The following DBF4 variants were observed in gnomAD, a reference collection of about 807,000 sequenced individuals.
DBF4 encodes the protein DBF4-CDC7 kinase regulatory subunit.
A neutral mutation model predicts 76.6 loss-of-function variants in DBF4; 25 were observed. The ratio of observed to expected loss-of-function variants is 0.33; its 90% confidence interval spans 0.24 to 0.46. The LOEUF is 0.46. DBF4 is among the 20% of genes least tolerant of loss of function. The probability of loss-of-function intolerance (pLI) is 1.00; values close to 1 mark genes in which losing one functional copy is unlikely to be tolerated. For missense variants in DBF4, 638 were observed against 760.8 expected (o/e 0.84, Z 1.90); for synonymous variants, 213 against 258.0 (o/e 0.83, Z 1.67).
intron 2 of DBF4, chr7:87,878,693 C>T (rs914988554): frequency 1.3e-5 from 2 of 152,664 alleles, no homozygotes; most frequent in African/African-American, 2.4e-5. Context: ...AAGAAATTTG[C>T]ATTAAGAATC....
chr7:87,905,372 T>C (rs904925371), intron 11 of DBF4, among the ~76,000 whole-genome samples: 1 of 152,218 alleles, frequency 6.6e-6, no homozygotes, highest in Admixed American at 6.5e-5. Flanking sequence ...TACCATTTAC[T>C]CAGACTAAAA....
Position 87,907,818 on chromosome 7 carries a change from A to C in DBF4, c.1680A>C (p.Glu560Asp). ...PFHTPPEEPN[E>D]CDFKNMDSLP... ...ATACTCCTCCTGAGGAACCCAATGA[A>C]TGTGACTTCAAGAATATGGATAGTT... Residue 560 changes from glutamate to aspartate, a missense_variant, in exon 12 of 12, where the codon GAA (glutamate) becomes GAC (aspartate). Coordinates refer to ENST00000265728, the MANE Select transcript of DBF4 (RefSeq NM_006716.4). The C allele has an allele frequency of 6.2e-7, 1 of 1,614,004 alleles. No homozygotes were observed. Among genetic ancestry groups the C allele is most frequent in the Non-Finnish European group, 8.5e-7 (1 of 1,179,938 alleles).
rs1412216739 is a variant in DBF4 at position 87,897,295 on chromosome 7, A to T, written c.636A>T (p.Thr212=). The T allele has an allele frequency of 6.2e-7, 1 of 1,611,826 alleles. No homozygotes were observed. The highest frequency in any genetic ancestry group is 1.1e-5 in the South Asian group (1 of 90,802). The change falls in exon 8 of 12, where the codon ACA becomes ACT. Residue 212 remains threonine (T), a splice_region_variant and synonymous_variant. Coordinates refer to ENST00000265728, the MANE Select transcript of DBF4 (RefSeq NM_006716.4). ...RVGSGAQKTR[T]GRLKKPFVKV... ...TAATATGTTTTCTATGTTCTCAAGC[A>T]GGAAGACTCAAAAAGCCTTTTGTAA...
At chr7:87,893,719 TA>T (rs1198233886) in intron 6 of DBF4, among the ~76,000 whole-genome samples, 1 of 152,240 alleles carries the variant, frequency 6.6e-6, no homozygotes, top group African/African-American at 2.4e-5. Flanking sequence ...TCTATATATT[TA>T]AAATGGACTT....
intron 2 of DBF4, among the ~76,000 whole-genome samples, chr7:87,879,518 T>C (rs1839158768): frequency 6.6e-6 from 1 of 152,152 alleles, no homozygotes; most frequent in Admixed American, 6.5e-5. Context: ...CCTTAGACAT[T>C]GAGTAAAAAA....
At chr7:87,887,867 G>T in intron 5 of DBF4, 116 bp from the exon 6 acceptor site, 2 of 1,027,908 alleles carry the variant, frequency 1.9e-6, no homozygotes, top group Non-Finnish European at 2.7e-6. Flanking sequence ...TCAGACCATA[G>T]CATAAGAGAT....
intron 6 of DBF4, among the ~76,000 whole-genome samples, chr7:87,893,641 A>C (rs751876547): frequency 6.6e-6 from 1 of 152,222 alleles, no homozygotes; most frequent in Non-Finnish European, 1.5e-5. Flanking sequence ...TCTCTGATGT[A>C]GACCATTCTG....
chr7:87,900,425 G>T, intron 9 of DBF4, 76 bp downstream of exon 9: 2 of 1,451,708 alleles, frequency 1.4e-6, no homozygotes, highest in South Asian at 1.3e-5. Context: ...ATTTGAAATA[G>T]TTTCATTTAT....
In DBF4 at chr7:87,886,731, AAG is replaced by A. The variant is rs1839365148; in HGVS notation, c.400-109_400-108del. The A allele has an allele frequency of 1.6e-5, 11 of 680,712 alleles. 1 individual carries two copies. In the South Asian group the frequency reaches 1.8e-4, roughly 11 times the overall value. 42.2% of individuals were successfully genotyped at this position (680,712 alleles called of 1,614,324 possible). ...ACAAAACCAAAGAGGTCACCCAAAA[AAG>A]AGAAACTTTTTAATATGAGACCCAA... On this transcript the variant is annotated intron_variant, in intron 3 of 11. Coordinates refer to ENST00000265728, the MANE Select transcript of DBF4 (RefSeq NM_006716.4).
Position 87,901,150 on chromosome 7 carries a change from T to G in DBF4, c.924+272T>G, listed in dbSNP as rs115311322. Among the ~76,000 whole-genome samples, 320 of 152,002 alleles carry G rather than the reference T, an allele frequency of 2.1e-3. 2 individuals carry two copies. The highest frequency in any genetic ancestry group is 7.1e-3 in the African/African-American group (294 of 41,350). ...GGTAGGGGTGGGATAGGGGTGGAGA[T>G]AGGTAACCACAGGATAAAAGAAGAA... is the stretch of plus-strand genomic sequence containing the variant. On this transcript the variant is annotated intron_variant, in intron 10 of 11. Coordinates refer to ENST00000265728, the MANE Select transcript of DBF4 (RefSeq NM_006716.4).
intron 11 of DBF4, among the ~76,000 whole-genome samples, chr7:87,905,253 T>C (rs946500896): frequency 9.2e-5 from 14 of 152,234 alleles, no homozygotes; most frequent in African/African-American, 3.4e-4. Context: ...TTTTGTACAA[T>C]GGATATGACT....
At position 87,896,437 on chromosome 7, in the gene DBF4, T is replaced by G. The variant is rs770798634; in HGVS notation, c.598-37T>G. On this transcript the variant is annotated intron_variant, in intron 6 of 11. Coordinates refer to ENST00000265728, the MANE Select transcript of DBF4 (RefSeq NM_006716.4). ...TTGCAGTTGCTGTTTTAACTGTACT[T>G]TCAAAGCCAATCTTTTCACTATATA... The G allele has an allele frequency of 9.4e-6, 15 of 1,595,340 alleles. No homozygotes were observed. In the East Asian group the frequency reaches 3.4e-4, roughly 36 times the overall value.
chr7:87,897,395 A>G (rs1176440320), intron 8 of DBF4, 56 bp downstream of exon 8: 3 of 1,523,872 alleles, frequency 2.0e-6, no homozygotes, highest in African/African-American at 1.4e-5. Flanking sequence ...GAGGAAAATC[A>G]CCTAACTAAT....
intron 2 of DBF4, among the ~76,000 whole-genome samples, chr7:87,882,584 C>T (rs1023164209): frequency 9.9e-5 from 15 of 152,030 alleles, no homozygotes; most frequent in African/African-American, 3.6e-4. Flanking sequence ...GATTAATATC[C>T]AGAATACTTA....
chr7:87,901,321 C>T (rs1350932189), intron 10 of DBF4, among the ~76,000 whole-genome samples: 1 of 152,028 alleles, frequency 6.6e-6, no homozygotes, highest in Non-Finnish European at 1.5e-5. Context: ...AGTAATGAGA[C>T]CTGGATATTG....
chr7:87,878,182 C>A lies in DBF4; in HGVS notation c.176C>A (p.Thr59Asn). The A allele has an allele frequency of 6.2e-7, 1 of 1,612,728 alleles. No individual in the cohort carries two copies. Among genetic ancestry groups the A allele is most frequent in the African/African-American group, 1.3e-5 (1 of 74,934 alleles). ...KVFYLDLPSV[T>N]ISEKLQKDIK... ...TTTTACCTTGACTTACCTTCTGTCA[C>A]CATATCTGAAAAACTTCAAAAGGAC... The change falls in exon 2 of 12, where the codon ACC becomes AAC. Residue 59 changes from threonine to asparagine, a missense_variant. Coordinates refer to ENST00000265728, the MANE Select transcript of DBF4 (RefSeq NM_006716.4).
chr7:87,896,695 T>A (rs28470575), intron 7 of DBF4, among the ~76,000 whole-genome samples, 185 bp downstream of exon 7: 7,446 of 152,242 alleles, frequency 0.049, 269 homozygotes, highest in East Asian at 0.094. Context: ...ATGTTTTTTT[T>A]AAAACGTTTC....
intron 8 of DBF4, among the ~76,000 whole-genome samples, chr7:87,898,853 AC>A (rs1839702265): frequency 6.6e-6 from 1 of 152,044 alleles, no homozygotes; most frequent in Non-Finnish European, 1.5e-5. Flanking sequence ...TTTAAAACTT[AC>A]TGTAATGCTA....
Position 87,892,797 on chromosome 7 carries a change from C to A in DBF4, c.598-3677C>A, listed in dbSNP as rs138675486. On this transcript the variant is annotated intron_variant, in intron 6 of 11. Coordinates refer to ENST00000265728, the MANE Select transcript of DBF4 (RefSeq NM_006716.4). ...TTTCTCTTGTGACTTACTCATTGTC[C>A]TGTGGGGTTACTTTTATCATTTGTT... is the stretch of plus-strand genomic sequence containing the variant. Among the ~76,000 whole-genome samples the A allele has an allele frequency of 4.6e-5, 7 of 152,156 alleles. No homozygotes were observed. In the East Asian group the frequency reaches 9.6e-4, roughly 21 times the overall value.
Sources: allele counts gnomAD v4.1 joint callset (sites outside exome capture counted in the v4.1 genomes callset), GRCh38; gene constraint gnomAD v4.1.1; transcripts MANE v1.5; gene names NCBI Gene and HGNC (gene_info 2026-07-23, HGNC 2026-07-21).